The following RAB3B variants were observed in gnomAD, a reference collection of about 807,000 sequenced individuals.
RAB3B encodes the protein ras-related protein Rab-3B.
A neutral mutation model predicts 20.5 loss-of-function variants in RAB3B; 11 were observed. That is an observed-to-expected ratio of 0.54 (90% CI 0.34 to 0.89). The LOEUF (loss-of-function observed/expected upper bound fraction) is 0.89, where lower values mean the gene tolerates loss of function less well. RAB3B is among the 40% of genes least tolerant of loss of function. RAB3B has a pLI of 0.02. For missense variants in RAB3B, 225 were observed against 280.9 expected (o/e 0.80, Z 1.42); for synonymous variants, 99 against 106.3 (o/e 0.93, Z 0.42).
chr1:51,921,734 A>G (rs1684174968), intron 4 of RAB3B, among the ~76,000 whole-genome samples: 3 of 152,190 alleles, frequency 2.0e-5, no homozygotes, highest in Admixed American at 1.3e-4. Context: ...GATGATGAAT[A>G]CATTGCTGTA....
At chr1:51,942,171 G>A (rs1684503357) in intron 2 of RAB3B, among the ~76,000 whole-genome samples, 1 of 152,156 alleles carries the variant, frequency 6.6e-6, no homozygotes. Context: ...TGGTCTAGAA[G>A]CCCAGGCAGG....
At chr1:51,982,753 A>T (rs140260860) in intron 1 of RAB3B, among the ~76,000 whole-genome samples, 10,459 of 151,584 alleles carry the variant, frequency 0.069, 406 homozygotes, top group African/African-American at 0.099. Flanking sequence ...AATCTCAAAA[A>T]AATAATAATA....
intron 4 of RAB3B, among the ~76,000 whole-genome samples, chr1:51,923,442 G>T (rs1684199877): frequency 6.6e-6 from 1 of 151,974 alleles, no homozygotes; most frequent in African/African-American, 2.4e-5. Context: ...CAGGCTGGGT[G>T]CAGTGGCTCA....
intron 4 of RAB3B, among the ~76,000 whole-genome samples, chr1:51,925,259 G>T (rs943411471): frequency 6.6e-6 from 1 of 152,060 alleles, no homozygotes; most frequent in African/African-American, 2.4e-5. Context: ...CACATCCTCT[G>T]GTCACTGATG....
chr1:51,942,987 T>C (rs1317829126), intron 2 of RAB3B, among the ~76,000 whole-genome samples: 5 of 152,166 alleles, frequency 3.3e-5, no homozygotes, highest in African/African-American at 1.2e-4. Context: ...TAATGTTGTG[T>C]GTGTTCTGAA....
At chr1:51,963,064 A>G (rs1004227981) in intron 2 of RAB3B, among the ~76,000 whole-genome samples, 1 of 152,236 alleles carries the variant, frequency 6.6e-6, no homozygotes, top group Non-Finnish European at 1.5e-5. Context: ...TTCAATATCC[A>G]CATAGATGAG....
chr1:51,927,844 C>T (rs1030706564), intron 4 of RAB3B, among the ~76,000 whole-genome samples: 26 of 152,102 alleles, frequency 1.7e-4, no homozygotes, highest in African/African-American at 6.0e-4. Flanking sequence ...GATGGTCTCT[C>T]CTTCCTTTGT....
chr1:51,955,781 A>G (rs2124282242), intron 2 of RAB3B, among the ~76,000 whole-genome samples: 1 of 152,210 alleles, frequency 6.6e-6, no homozygotes, highest in South Asian at 2.1e-4. Flanking sequence ...GAGTTCAGAG[A>G]CTTAACTAGA....
At chr1:51,937,438 T>A in intron 2 of RAB3B, 26 bp from the exon 3 acceptor site, 5 of 1,491,854 alleles carry the variant, frequency 3.4e-6, no homozygotes, top group Non-Finnish European at 4.5e-6. Flanking sequence ...AAAGAAACAA[T>A]CTCTTAGAAA....
intron 2 of RAB3B, among the ~76,000 whole-genome samples, chr1:51,960,136 A>G (rs1182706834): frequency 6.6e-6 from 1 of 152,238 alleles, no homozygotes. Flanking sequence ...GAGAACAGGA[A>G]TCTAAGGTAG....
rs950895637 is a variant in RAB3B, at chr1:51,935,016, A to G, written c.348-1574T>C. Among the ~76,000 whole-genome samples, 4 of 152,122 alleles carry G rather than the reference A, an allele frequency of 2.6e-5. No individual in the cohort carries two copies. The South Asian group carries it at 8.3e-4, about 32-fold the overall frequency. On this transcript the variant is annotated intron_variant, in intron 3 of 4. Coordinates refer to ENST00000371655, the MANE Select transcript of RAB3B (RefSeq NM_002867.4). ...GCACGTTCACCATGACACCTATTAC[A>G]CTTGGCTGAATTTGTCTCTCTCCCT... is the stretch of plus-strand genomic sequence containing the variant.
At position 51,917,002 on chromosome 1, in the gene RAB3B, A is replaced by G. The variant is rs1263400574; in HGVS notation, c.*2925T>C. On this transcript the variant is annotated 3_prime_UTR_variant, in exon 5 of 5. Transcript: ENST00000371655. ...TTGTCTATAAAAGATGCAGCCCAGA[A>G]TGTGGTTAAGAGCACAGACCTTGGA... 3.9e-5 allele frequency: 6 copies of G among 152,306 alleles called. No individual in the cohort carries two copies. The highest frequency in any genetic ancestry group is 3.4e-3 in the Middle Eastern group (1 of 294). The allele number at this position is 152,306 out of a possible 1,614,324, so 9.4% of individuals were successfully genotyped here.
chr1:51,920,639 C>T (rs1176430124), intron 4 of RAB3B, among the ~76,000 whole-genome samples: 1 of 152,170 alleles, frequency 6.6e-6, no homozygotes, highest in Admixed American at 6.5e-5. Context: ...CTCCACTTCA[C>T]TAATACAAAC....
At chr1:51,972,489 CTTT>C (rs1160625371) in intron 2 of RAB3B, among the ~76,000 whole-genome samples, 7 of 130,850 alleles carry the variant, frequency 5.3e-5, no homozygotes, top group Non-Finnish European at 4.9e-5. Context: ...TTTCTTTTTT[CTTT>C]TTTTTTTTTT....
At chr1:51,923,081 T>G (rs1051785245) in intron 4 of RAB3B, among the ~76,000 whole-genome samples, 4 of 152,326 alleles carry the variant, frequency 2.6e-5, no homozygotes, top group African/African-American at 7.2e-5. Flanking sequence ...CAATTATAGT[T>G]GTAGAAAAGA....
At position 51,931,337 on chromosome 1, in the gene RAB3B, G is replaced by A. The variant is rs533712015; in HGVS notation, c.472+1981C>T. Among the ~76,000 whole-genome samples, 8 of 152,220 alleles carry A rather than the reference G, an allele frequency of 5.3e-5. No homozygotes were observed. The South Asian group carries it at 6.2e-4, about 12-fold the overall frequency. On this transcript the variant is annotated intron_variant, in intron 4 of 4. Transcript: ENST00000371655. ...TGTTCTCTGATCCCAGGAGAATGAC[G>A]TTCCTCCTCTATGCTCCCCCAACAT...
At chr1:51,987,765 C>T (rs1349182016) in intron 1 of RAB3B, among the ~76,000 whole-genome samples, 1 of 152,152 alleles carries the variant, frequency 6.6e-6, no homozygotes, top group African/African-American at 2.4e-5. Context: ...CCCATATATA[C>T]CGAAATCCAC....
intron 2 of RAB3B, among the ~76,000 whole-genome samples, chr1:51,952,229 G>A (rs1684650327): frequency 6.6e-6 from 1 of 152,108 alleles, no homozygotes; most frequent in South Asian, 2.1e-4. Flanking sequence ...TCCTATGAGA[G>A]GTGTACATAC....
intron 2 of RAB3B, among the ~76,000 whole-genome samples, chr1:51,971,175 T>C (rs1684928073): frequency 6.6e-6 from 1 of 151,822 alleles, no homozygotes; most frequent in Non-Finnish European, 1.5e-5. Context: ...TATGAGGCTT[T>C]AATAGTTGAA....
Sources: allele counts gnomAD v4.1 joint callset (sites outside exome capture counted in the v4.1 genomes callset), GRCh38; gene constraint gnomAD v4.1.1; transcripts MANE v1.5; gene names NCBI Gene and HGNC (gene_info 2026-07-23, HGNC 2026-07-21).